GPAT3: variants seen among roughly 807,000 people sequenced by gnomAD.
GPAT3 encodes the protein 1-AGP acyltransferase 9.
Under a neutral mutation model 58.8 loss-of-function variants are expected in GPAT3, and 53 were observed. The ratio of observed to expected loss-of-function variants is 0.90; its 90% confidence interval spans 0.72 to 1.13. The LOEUF (loss-of-function observed/expected upper bound fraction) is 1.13. GPAT3 is among the 50% of genes most tolerant of loss of function. The pLI, the probability that GPAT3 is intolerant of heterozygous loss-of-function variation, is 0.00. For synonymous variants in GPAT3, 197 were observed against 187.4 expected (o/e 1.05, Z -0.42); for missense variants, 511 against 527.6 (o/e 0.97, Z 0.31).
At chr4:83,560,362 TCTGGTGTGGTGCC>T (rs1191044235) in intron 2 of GPAT3, among the ~76,000 whole-genome samples, 1 of 152,242 alleles carries the variant, frequency 6.6e-6, no homozygotes, top group Non-Finnish European at 1.5e-5. Flanking sequence ...TCTGAGCTTC[TCTGGTGTGGTGCC>T]CAGGCAGCCG....
At position 83,590,202 on chromosome 4, in the gene GPAT3, G is replaced by A. The variant is rs1401535044; in HGVS notation, c.648G>A (p.Gln216=). 1.9e-6 allele frequency: 3 copies of A among 1,613,474 alleles called. No homozygotes were observed. The highest frequency in any genetic ancestry group is 2.2e-5 in the East Asian group (1 of 44,876). ...LSGTIHYHNK[Q]YRPQKGGICV... ...TTTCCATTGTTTGTAATTGCAGGCA[G>A]TACAGACCCCAGAAGGGAGGCATTT... The change falls in exon 6 of 12, where the codon CAG becomes CAA. Residue 216 remains glutamine, a synonymous_variant. Coordinates refer to ENST00000264409, the MANE Select transcript of GPAT3 (RefSeq NM_032717.5).
intron 6 of GPAT3, among the ~76,000 whole-genome samples, chr4:83,592,030 G>A (rs1726620461): frequency 6.6e-6 from 1 of 152,030 alleles, no homozygotes; most frequent in South Asian, 2.1e-4. Flanking sequence ...TCCATGAGGA[G>A]AGCACCCTCA....
intron 11 of GPAT3, among the ~76,000 whole-genome samples, chr4:83,602,777 A>T (rs1257435581): frequency 6.6e-6 from 1 of 152,178 alleles, no homozygotes; most frequent in East Asian, 1.9e-4. Context: ...TTATTTCTTT[A>T]GTTTCCTTAG....
chr4:83,590,727 GA>G (rs1164574731), intron 6 of GPAT3, among the ~76,000 whole-genome samples: 2 of 152,096 alleles, frequency 1.3e-5, no homozygotes, highest in Non-Finnish European at 2.9e-5. Flanking sequence ...GATCTAGCAA[GA>G]AAGGCAAATA....
intron 2 of GPAT3, among the ~76,000 whole-genome samples, chr4:83,575,998 C>T (rs17006887): frequency 2.0e-5 from 3 of 152,158 alleles, no homozygotes; most frequent in East Asian, 1.9e-4. Flanking sequence ...TATCTTGATG[C>T]GTATTTTCAT....
intron 11 of GPAT3, among the ~76,000 whole-genome samples, chr4:83,601,839 C>T (rs1022485873): frequency 6.6e-6 from 1 of 152,290 alleles, no homozygotes; most frequent in African/African-American, 2.4e-5. Flanking sequence ...ATAAAGATAG[C>T]TGAAGCCATT....
chr4:83,597,241 G>A (rs1359156916), intron 8 of GPAT3, among the ~76,000 whole-genome samples, 189 bp from the exon 9 acceptor site: 1 of 152,140 alleles, frequency 6.6e-6, no homozygotes, highest in Non-Finnish European at 1.5e-5. Flanking sequence ...GTAAAAGCTT[G>A]TTGTTAAACC....
intron 2 of GPAT3, among the ~76,000 whole-genome samples, chr4:83,547,314 G>A (rs1379337347): frequency 2.7e-5 from 4 of 147,408 alleles, no homozygotes; most frequent in South Asian, 4.4e-4. Flanking sequence ...GTGCAGTGGC[G>A]GGATCTCGGC....
At chr4:83,557,277 G>A (rs959151335) in intron 2 of GPAT3, among the ~76,000 whole-genome samples, 3 of 152,174 alleles carry the variant, frequency 2.0e-5, no homozygotes, top group Non-Finnish European at 2.9e-5. Context: ...TGTAGCAATC[G>A]GAGTATTGAA....
intron 2 of GPAT3, among the ~76,000 whole-genome samples, chr4:83,557,905 A>G (rs1000228132): frequency 6.6e-6 from 1 of 152,140 alleles, no homozygotes; most frequent in Non-Finnish European, 1.5e-5. Flanking sequence ...AATGTAGGAA[A>G]CCGGAATAGA....
intron 1 of GPAT3, among the ~76,000 whole-genome samples, chr4:83,543,005 G>GTAAAA (rs1724365614): frequency 6.6e-6 from 1 of 151,646 alleles, no homozygotes; most frequent in African/African-American, 2.4e-5. Flanking sequence ...TTCTCAAAAA[G>GTAAAA]TAAAATAAAA....
At chr4:83,591,761 T>C (rs575364110) in intron 6 of GPAT3, among the ~76,000 whole-genome samples, 13 of 152,276 alleles carry the variant, frequency 8.5e-5, no homozygotes, top group Admixed American at 2.0e-4. Flanking sequence ...GATTTTATTA[T>C]AGATGAGGAA....
intron 2 of GPAT3, among the ~76,000 whole-genome samples, chr4:83,549,550 T>A (rs1445140844): frequency 1.3e-5 from 2 of 149,528 alleles, no homozygotes; most frequent in African/African-American, 4.9e-5. Context: ...ATTATTTTTT[T>A]AAGACAGGGT....
intron 1 of GPAT3, among the ~76,000 whole-genome samples, chr4:83,540,916 T>C (rs1171226036): frequency 6.6e-6 from 1 of 151,942 alleles, no homozygotes; most frequent in African/African-American, 2.4e-5. Context: ...TCTCCGACTC[T>C]TGTCCTCAAG....
intron 9 of GPAT3, among the ~76,000 whole-genome samples, chr4:83,597,831 T>C (rs1327140837): frequency 2.0e-5 from 3 of 152,200 alleles, no homozygotes; most frequent in African/African-American, 7.2e-5. Flanking sequence ...AAATAACTCT[T>C]GTTGGTGTGC....
chr4:83,544,015 T>C (rs1239199343), intron 1 of GPAT3, among the ~76,000 whole-genome samples: 1 of 152,192 alleles, frequency 6.6e-6, no homozygotes, highest in African/African-American at 2.4e-5. Flanking sequence ...TTCTGATGCA[T>C]CTTTGAGCGT....
At chr4:83,571,211 T>C (rs558074844) in intron 2 of GPAT3, among the ~76,000 whole-genome samples, 18 of 152,316 alleles carry the variant, frequency 1.2e-4, no homozygotes, top group Non-Finnish European at 2.4e-4. Context: ...TTTATTATAA[T>C]GTCGATTGAT....
chr4:83,586,616 G>A (rs1208573247), intron 3 of GPAT3, among the ~76,000 whole-genome samples: 1 of 152,148 alleles, frequency 6.6e-6, no homozygotes, highest in Non-Finnish European at 1.5e-5. Context: ...TATTTTGAAA[G>A]ATTTTGTCTT....
In GPAT3 at chr4:83,580,354, C is replaced by T. The variant is rs529011676; in HGVS notation, c.209-1208C>T. On this transcript the variant is annotated intron_variant, in intron 2 of 11. Coordinates refer to ENST00000264409, the MANE Select transcript of GPAT3 (RefSeq NM_032717.5). ...AGAGTGAAACTATAGTTTTAGATTCCGTCTTTTCTTGATTAACATTATAGT... is the reference window on the plus strand; with the variant it reads ...AGAGTGAAACTATAGTTTTAGATTCTGTCTTTTCTTGATTAACATTATAGT... Among the ~76,000 whole-genome samples the T allele has an allele frequency of 4.6e-5, 7 of 151,950 alleles. 1 individual carries two copies. The highest frequency in any genetic ancestry group is 2.6e-4 in the Admixed American group (4 of 15,272).
Sources: gnomAD v4.1 joint callset for allele counts (sites outside exome capture counted in the v4.1 genomes callset) on GRCh38, gnomAD v4.1.1 for gene constraint, MANE v1.5 for transcripts, NCBI Gene and HGNC (gene_info 2026-07-23, HGNC 2026-07-21) for gene names.